HEATR5A: variants seen among roughly 807,000 people sequenced by gnomAD.
The protein encoded by HEATR5A is HEAT repeat-containing protein 5A.
A neutral mutation model predicts 218.8 loss-of-function variants in HEATR5A; 178 were observed. The ratio of observed to expected loss-of-function variants is 0.81; its 90% CI spans 0.72 to 0.92. The LOEUF is 0.92. HEATR5A is among the 40% of genes least tolerant of loss of function. The pLI, the probability that HEATR5A is intolerant of heterozygous loss-of-function variation, is 0.00. For missense variants in HEATR5A, 2,420 were observed against 2,418.9 expected, an observed-to-expected ratio of 1.00 and a Z score of -0.01; for synonymous variants, 864 against 871.6, an observed-to-expected ratio of 0.99 and a Z score of 0.15.
Position 31,349,933 on chromosome 14 carries a change from C to A in HEATR5A, c.2564G>T (p.Arg855Ile). 2 of 1,606,574 alleles carry A rather than the reference C, an allele frequency of 1.2e-6. No individual in the cohort carries two copies. Among genetic ancestry groups the A allele is most frequent in the Non-Finnish European group, 1.7e-6 (2 of 1,176,156 alleles). Residue 855 changes from arginine (R) to isoleucine (I), a missense_variant, in exon 18 of 36, where the codon AGA (arginine) becomes ATA (isoleucine). Arg to Ile is a moderately conservative substitution (Grantham distance 97, BLOSUM62 -3). Transcript: ENST00000543095. ...TCCCATAACTAATGTTAAGGCAAATCTTTTCATTTCTTCTGGACCTAAACA... is the reference window on the plus strand; with the variant it reads ...TCCCATAACTAATGTTAAGGCAAATATTTTCATTTCTTCTGGACCTAAACA... ...KGCLGPEEMK[R>I]FALTLVMGAL...
At chr14:31,358,312 T>C (rs1233791826) in intron 16 of HEATR5A, among the ~76,000 whole-genome samples, 2 of 152,198 alleles carry the variant, frequency 1.3e-5, no homozygotes, top group East Asian at 3.9e-4. Flanking sequence ...AGAAAGCCTA[T>C]GAGACCTAGT....
chr14:31,349,272 C>T (rs1467285595), intron 18 of HEATR5A, among the ~76,000 whole-genome samples: 2 of 152,056 alleles, frequency 1.3e-5, no homozygotes, highest in African/African-American at 4.8e-5. Context: ...CCTGTAATCC[C>T]AGCTACTCGC....
chr14:31,349,205 T>G (rs1901126000), intron 18 of HEATR5A, among the ~76,000 whole-genome samples: 1 of 152,002 alleles, frequency 6.6e-6, no homozygotes, highest in Non-Finnish European at 1.5e-5. Flanking sequence ...CTGGCCAGCA[T>G]GGAGAAACCC....
intron 10 of HEATR5A, among the ~76,000 whole-genome samples, chr14:31,383,276 T>C (rs1048406851): frequency 5.3e-5 from 8 of 152,204 alleles, no homozygotes; most frequent in African/African-American, 1.7e-4. Context: ...TCTTAAGATA[T>C]GTAAACTATT....
intron 1 of HEATR5A, among the ~76,000 whole-genome samples, chr14:31,417,128 A>C (rs2031477524): frequency 6.6e-6 from 1 of 152,216 alleles, no homozygotes; most frequent in Non-Finnish European, 1.5e-5. Context: ...ACTGCTGCTT[A>C]TGATAAACCC....
intron 1 of HEATR5A, among the ~76,000 whole-genome samples, chr14:31,405,766 T>C (rs1196520216): frequency 1.3e-5 from 2 of 152,162 alleles, no homozygotes; most frequent in Non-Finnish European, 2.9e-5. Flanking sequence ...AAATTACCCT[T>C]TCTAGAAATC....
intron 10 of HEATR5A, among the ~76,000 whole-genome samples, chr14:31,381,001 C>T (rs2029955986): frequency 1.3e-5 from 2 of 152,220 alleles, no homozygotes; most frequent in South Asian, 2.1e-4. Flanking sequence ...GTAATCCCAG[C>T]ACTTTGGGAG....
chr14:31,359,003 A>G lies in HEATR5A; in HGVS notation c.2126T>C (p.Ile709Thr), dbSNP rs1396495250. The change falls in exon 15 of 36, where the codon ATT (isoleucine) becomes ACT (threonine). Residue 709 changes from isoleucine to threonine, a missense_variant. By Grantham distance (89) the Ile-to-Thr change is moderately conservative (BLOSUM62 -1). Coordinates refer to ENST00000543095, the MANE Select transcript of HEATR5A (RefSeq NM_015473.4). ...TAAAAATGTAGATGCTGCCACCTGAATATCAGGGGCAGTCAAGTCAGCAGC... is the reference window on the plus strand; with the variant it reads ...TAAAAATGTAGATGCTGCCACCTGAGTATCAGGGGCAGTCAAGTCAGCAGC... ...ELAADLTAPDIQVAASTFLLP... is the reference protein window; with the variant it reads ...ELAADLTAPDTQVAASTFLLP... 1.3e-6 allele frequency: 2 copies of G among 1,587,994 alleles called. No individual in the cohort carries two copies. The highest frequency in any genetic ancestry group is 1.4e-5 in the African/African-American group (1 of 73,116).
chr14:31,321,996 A>C (rs1900123298), intron 24 of HEATR5A, among the ~76,000 whole-genome samples: 1 of 152,182 alleles, frequency 6.6e-6, no homozygotes, highest in Non-Finnish European at 1.5e-5. Flanking sequence ...ATTAGTTGGT[A>C]TGGAGGAGAC....
At chr14:31,353,355 T>C (rs541489900) in intron 16 of HEATR5A, among the ~76,000 whole-genome samples, 1 of 152,364 alleles carries the variant, frequency 6.6e-6, no homozygotes, top group African/African-American at 2.4e-5. Flanking sequence ...TTGTATATTC[T>C]GGCAACATAA....
chr14:31,389,044 A>C (rs755436080), intron 6 of HEATR5A, 39 bp from the exon 7 acceptor site: 1 of 1,504,500 alleles, frequency 6.6e-7, no homozygotes, highest in Non-Finnish European at 9.0e-7. Context: ...TATTTTACAG[A>C]CTAAATTTTA....
At chr14:31,314,355 C>A (rs1478453091) in intron 27 of HEATR5A, among the ~76,000 whole-genome samples, 1 of 152,054 alleles carries the variant, frequency 6.6e-6, no homozygotes, top group Non-Finnish European at 1.5e-5. Context: ...CGGGTTCAAG[C>A]AATTCTCCTG....
chr14:31,405,828 T>G (rs1236204836), intron 1 of HEATR5A, among the ~76,000 whole-genome samples: 1 of 152,176 alleles, frequency 6.6e-6, no homozygotes, highest in Non-Finnish European at 1.5e-5. Flanking sequence ...AGCAATATTG[T>G]GGTGTAAAAT....
intron 11 of HEATR5A, among the ~76,000 whole-genome samples, chr14:31,379,797 A>C (rs2029910490): frequency 6.6e-6 from 1 of 152,054 alleles, no homozygotes; most frequent in African/African-American, 2.4e-5. Context: ...CTACAAAAAA[A>C]ATTTTTTTAA....
At chr14:31,363,622 AAATGAGATAT>A (rs1305690938) in intron 14 of HEATR5A, among the ~76,000 whole-genome samples, 3 of 152,182 alleles carry the variant, frequency 2.0e-5, no homozygotes, top group Admixed American at 2.0e-4. Flanking sequence ...ATCCCAGGAT[AAATGAGATAT>A]AATAGATACA....
rs1555365665 is a variant in HEATR5A at position 31,295,969 on chromosome 14, T to A, written c.5559A>T (p.Pro1853=). The A allele has an allele frequency of 6.2e-7, 1 of 1,613,570 alleles. No individual in the cohort carries two copies. Among genetic ancestry groups the A allele is most frequent in the Non-Finnish European group, 8.5e-7 (1 of 1,179,592 alleles). Residue 1853 remains proline (P), a synonymous_variant, in exon 34 of 36, where the codon CCA becomes CCT. Transcript: ENST00000543095. The part of the protein sequence containing the change: ...LSTSPEVTTI[P]CLQKRCIDKF... Reference sequence around the variant, plus strand: ...TATCAATACAGCGCTTCTGAAGGCATGGGATGGTAGTTACTTCTGGACTGG... The same window carrying A: ...TATCAATACAGCGCTTCTGAAGGCAAGGGATGGTAGTTACTTCTGGACTGG...
At chr14:31,380,638 T>C (rs2029940957) in intron 10 of HEATR5A, 60 bp from the exon 11 acceptor site, 2 of 1,016,544 alleles carry the variant, frequency 2.0e-6, no homozygotes, top group South Asian at 1.5e-5. Context: ...TACTAAATGA[T>C]AGCAGCTAAC....
chr14:31,413,845 CAT>C (rs1196715470), intron 1 of HEATR5A, among the ~76,000 whole-genome samples: 1 of 152,200 alleles, frequency 6.6e-6, no homozygotes, highest in East Asian at 1.9e-4. Flanking sequence ...TCAACTACTT[CAT>C]ATAGTCTCTA....
At chr14:31,379,785 C>T (rs2029908910) in intron 11 of HEATR5A, among the ~76,000 whole-genome samples, 2 of 152,080 alleles carry the variant, frequency 1.3e-5, no homozygotes, top group South Asian at 2.1e-4. Context: ...GAGACCCCAT[C>T]TCTACAAAAA....
Sources: allele counts gnomAD v4.1 joint callset (sites outside exome capture counted in the v4.1 genomes callset), GRCh38; gene constraint gnomAD v4.1.1; transcripts MANE v1.5; gene names NCBI Gene and HGNC (gene_info 2026-07-23, HGNC 2026-07-21).